Variants in SCN9A observed in about 807,000 individuals in gnomAD.
SCN9A encodes sodium voltage-gated channel alpha subunit 9.
In SCN9A, 131 loss-of-function variants were observed where a neutral mutation model predicts 187.0. That is an observed-to-expected ratio of 0.70 (90% confidence interval 0.61 to 0.81). SCN9A has a LOEUF of 0.81. Among genes scored for constraint, SCN9A ranks in the 30% least tolerant of loss-of-function variants. SCN9A has a pLI of 0.00. For synonymous variants in SCN9A, 809 were observed against 808.6 expected, an observed-to-expected ratio of 1.00 and a Z score of -0.01; for missense variants, 2,252 against 2,396.6, an observed-to-expected ratio of 0.94 and a Z score of 1.26.
intron 17 of SCN9A, among the ~76,000 whole-genome samples, chr2:166,260,406 A>G (rs1187278829): frequency 6.6e-6 from 1 of 151,846 alleles, no homozygotes; most frequent in Non-Finnish European, 1.5e-5. Context: ...AATTTTCTCC[A>G]TACTGTAAGG....
At chr2:166,241,184 C>G (rs1481767444) in intron 19 of SCN9A, among the ~76,000 whole-genome samples, 1 of 152,050 alleles carries the variant, frequency 6.6e-6, no homozygotes, top group Non-Finnish European at 1.5e-5. Flanking sequence ...AGGCAAGTTA[C>G]AAAGTTCTTG....
chr2:166,311,330 C>CTA lies in SCN9A; in HGVS notation c.258+167_258+168dup, dbSNP rs10688081. Reference sequence around the variant, plus strand: ...TGAAAAAGTACAGATTCTGAATATCCTATATATATATATATATATATATAT... The same window carrying CTA: ...TGAAAAAGTACAGATTCTGAATATCCTATATATATATATATATATATATATAT... On this transcript the variant is annotated intron_variant, in intron 2 of 26. Coordinates refer to ENST00000642356, the MANE Select transcript of SCN9A (RefSeq NM_001365536.1). 7.3e-3 allele frequency among the ~76,000 whole-genome samples: 339 copies of CTA among 46,644 alleles called. 12 individuals are homozygous for CTA. The highest frequency in any genetic ancestry group is 0.022 in the Middle Eastern group (1 of 46). 30.6% of individuals were successfully genotyped at this position (46,644 alleles called of 152,430 possible). A position where few individuals can be genotyped will look rare whatever the true frequency, so the allele number is the denominator to read the frequency against.
chr2:166,306,491 T>C lies in SCN9A; in HGVS notation c.467+19A>G, dbSNP rs1247269606. 10 of 1,300,494 alleles carry C rather than the reference T, an allele frequency of 7.7e-6. No individual in the cohort carries two copies. Among genetic ancestry groups the C allele is most frequent in the Non-Finnish European group, 1.1e-5 (10 of 915,550 alleles). 80.6% of individuals were successfully genotyped at this position (1,300,494 alleles called of 1,614,324 possible). On this transcript the variant is annotated intron_variant, in intron 4 of 26. Coordinates refer to ENST00000642356, the MANE Select transcript of SCN9A (RefSeq NM_001365536.1). ...TGATAATACCAAAACTATATTAAAA[T>C]GTACTTATACCCACTTACTCGACAT...
intron 1 of SCN9A, among the ~76,000 whole-genome samples, chr2:166,372,601 C>A (rs756277853): frequency 6.6e-6 from 1 of 151,952 alleles, no homozygotes; most frequent in Non-Finnish European, 1.5e-5. Flanking sequence ...AAATTACTTA[C>A]CTTTAAGTAC....
rs1470284162 is a variant in SCN9A, at chr2:166,203,968, A to C, written c.4761T>G (p.Ile1587Met). The change falls in exon 26 of 27, where the codon ATT becomes ATG. Residue 1587 changes from isoleucine to methionine, a missense_variant. Transcript: ENST00000642356. Reference sequence around the variant, plus strand: ...AAATATTCTTACCTACAATGGAGATAATCACAACCACAAAATCAAAAATAT... The same window carrying C: ...AAATATTCTTACCTACAATGGAGATCATCACAACCACAAAATCAAAAATAT... Reference protein sequence around the residue: ...GWNIFDFVVVIISIVGMFLAD... With the variant: ...GWNIFDFVVVMISIVGMFLAD... The C allele has an allele frequency of 3.2e-6, 5 of 1,581,400 alleles. No homozygotes were observed. The highest frequency in any genetic ancestry group is 4.3e-6 in the Non-Finnish European group (5 of 1,154,518).
chr2:166,256,748 A>T (rs1197822802), intron 17 of SCN9A, among the ~76,000 whole-genome samples: 1 of 151,598 alleles, frequency 6.6e-6, no homozygotes, highest in African/African-American at 2.4e-5. Context: ...CAGTTCCATC[A>T]CAAGGTCAAC....
intron 20 of SCN9A, 70 bp downstream of exon 20, chr2:166,238,024 G>A: frequency 9.3e-7 from 1 of 1,076,332 alleles, no homozygotes; most frequent in Admixed American, 2.2e-5. Flanking sequence ...ATATGCAATA[G>A]TGGTGAAGGT....
At chr2:166,332,174 T>C (rs1268629224) in intron 1 of SCN9A, among the ~76,000 whole-genome samples, 1 of 152,174 alleles carries the variant, frequency 6.6e-6, no homozygotes, top group Non-Finnish European at 1.5e-5. Flanking sequence ...TCCCTTGTGC[T>C]GGGTCTATGT....
intron 16 of SCN9A, 73 bp from the exon 17 acceptor site, chr2:166,272,948 C>T (rs796143333): frequency 1.4e-6 from 1 of 719,730 alleles, no homozygotes; most frequent in East Asian, 3.0e-5. Context: ...AAAATAAGTA[C>T]ACTTTTCCGA....
chr2:166,238,067 T>G (rs200598575), intron 20 of SCN9A, 27 bp downstream of exon 20: 1 of 1,562,830 alleles, frequency 6.4e-7, no homozygotes, highest in Admixed American at 1.8e-5. Flanking sequence ...ATAAATCCTC[T>G]TTTAAAATGT....
At chr2:166,346,679 GAC>G (rs1699908754) in intron 1 of SCN9A, among the ~76,000 whole-genome samples, 1 of 152,242 alleles carries the variant, frequency 6.6e-6, no homozygotes, top group East Asian at 1.9e-4. Flanking sequence ...GCTATTGTTT[GAC>G]ACCAAAAGGA....
intron 9 of SCN9A, among the ~76,000 whole-genome samples, chr2:166,291,631 AG>A (rs1449441701): frequency 1.3e-5 from 2 of 152,212 alleles, no homozygotes; most frequent in Middle Eastern, 3.2e-3. Context: ...CTAAGCAAAA[AG>A]AACAAAGCTG....
chr2:166,222,976 C>CAAAAAA (rs1694686070), intron 24 of SCN9A, among the ~76,000 whole-genome samples: 1 of 59,500 alleles, frequency 1.7e-5, no homozygotes, highest in African/African-American at 6.4e-5. Flanking sequence ...AAAAAAACAG[C>CAAAAAA]AACAAAAAAC....
intron 1 of SCN9A, among the ~76,000 whole-genome samples, chr2:166,344,306 C>A (rs1014219886): frequency 3.3e-5 from 5 of 152,014 alleles, no homozygotes; most frequent in Non-Finnish European, 5.9e-5. Flanking sequence ...AATAATAAGG[C>A]TTTTTATTAT....
chr2:166,369,780 C>T (rs937269321), intron 1 of SCN9A, among the ~76,000 whole-genome samples: 5 of 152,138 alleles, frequency 3.3e-5, no homozygotes, highest in African/African-American at 1.2e-4. Context: ...GATACACTGT[C>T]TATTAGACTT....
chr2:166,216,930 T>A (rs1057133656), intron 24 of SCN9A, among the ~76,000 whole-genome samples: 12 of 151,962 alleles, frequency 7.9e-5, no homozygotes, highest in African/African-American at 2.9e-4. Flanking sequence ...GCCAAAGCAA[T>A]CTGAGCAAAA....
chr2:166,221,603 G>A (rs889246238), intron 24 of SCN9A, among the ~76,000 whole-genome samples: 1 of 152,164 alleles, frequency 6.6e-6, no homozygotes, highest in Admixed American at 6.5e-5. Context: ...AGTCTATCTT[G>A]CCCAGGCTGG....
intron 7 of SCN9A, 191 bp from the exon 8 acceptor site, chr2:166,294,853 A>G: frequency 2.3e-6 from 1 of 427,434 alleles, no homozygotes; most frequent in East Asian, 3.5e-5. Context: ...CTTAGAGGCT[A>G]GGCAATAAAC....
chr2:166,290,379 T>C (rs7591475), intron 9 of SCN9A, among the ~76,000 whole-genome samples: 152,248 of 152,306 alleles, frequency 1, 76,095 homozygotes, highest in Admixed American at 1. Context: ...AATAAACATA[T>C]GTGTGCATGT....
Sources: gnomAD v4.1 joint callset for allele counts (sites outside exome capture counted in the v4.1 genomes callset) on GRCh38, gnomAD v4.1.1 for gene constraint, MANE v1.5 for transcripts, NCBI Gene and HGNC (gene_info 2026-07-23, HGNC 2026-07-21) for gene names.